The following DUSP29 variants were observed in gnomAD, a reference collection of about 807,000 sequenced individuals.
DUSP29 encodes the protein atypical dual-specific protein phosphatase.
Under a neutral mutation model 13.5 loss-of-function variants are expected in DUSP29, and 12 were observed. The observed-to-expected ratio is 0.89, with a 90% CI of 0.57 to 1.44. The LOEUF is 1.44. Ranked by LOEUF, DUSP29 falls within the 40% of genes most tolerant of loss-of-function variation. The pLI, the probability that DUSP29 is intolerant of heterozygous loss-of-function variation, is 0.00. For missense variants in DUSP29, 308 were observed against 301.1 expected (o/e 1.02, Z -0.17); for synonymous variants, 134 against 128.7 (o/e 1.04, Z -0.28).
In DUSP29 at chr10:75,037,890, C is replaced by G. The variant is rs1359835725; in HGVS notation, c.609G>C (p.Gln203His). 6.2e-7 allele frequency: 1 copy of G among 1,613,328 alleles called. No individual in the cohort carries two copies. Among genetic ancestry groups the G allele is most frequent in the Non-Finnish European group, 8.5e-7 (1 of 1,179,908 alleles). The change falls in exon 4 of 4, where the codon CAG (glutamine) becomes CAC (histidine). Residue 203 changes from glutamine (Q) to histidine (H), a missense_variant. Coordinates refer to ENST00000338487, the MANE Select transcript of DUSP29 (RefSeq NM_001003892.3). ...CGTCCTGGCGCTGGGACCGTCGCCT[C>G]TGCTGCACCAGCTGCTTGTCCAGCT... The part of the protein sequence containing the change: ...LRELDKQLVQ[Q>H]RRRSQRQDGE...
At chr10:75,067,171 G>T (rs1480031125) in intron 1 of DUSP29, among the ~76,000 whole-genome samples, 1 of 151,928 alleles carries the variant, frequency 6.6e-6, no homozygotes, top group African/African-American at 2.4e-5. Context: ...TGTTGACCAG[G>T]CTGGTCTCGG....
At position 75,058,473 on chromosome 10, in the gene DUSP29, G is replaced by C; in HGVS notation, c.42C>G (p.Tyr14Ter). 6.2e-7 allele frequency: 1 copy of C among 1,614,242 alleles called. No homozygotes were observed. Among genetic ancestry groups the C allele is most frequent in the Middle Eastern group, 1.6e-4 (1 of 6,062 alleles). Residue 14 changes from tyrosine (Y) to a stop codon, truncating the protein, a stop_gained, in exon 2 of 4, where the codon TAC (tyrosine) becomes TAG (stop). Transcript: ENST00000338487. LOFTEE classifies it high-confidence loss of function. ...GEVKTSLKNA[Y>*]SSAKRLSPKM... ...TCGGCGACAGCCTCTTGGCAGATGA[G>C]TAGGCATTCTTGAGGCTTGTCTTCA...
intron 3 of DUSP29, 24 bp downstream of exon 3, chr10:75,043,773 G>T (rs1056536803): frequency 2.5e-6 from 4 of 1,598,614 alleles, no homozygotes; most frequent in Non-Finnish European, 3.4e-6. Context: ...GGGGCCGATC[G>T]GGGCGGGGCC....
intron 2 of DUSP29, among the ~76,000 whole-genome samples, chr10:75,052,210 C>G (rs1241136201): frequency 6.6e-6 from 1 of 152,082 alleles, no homozygotes; most frequent in Non-Finnish European, 1.5e-5. Context: ...TGAATAAAGT[C>G]CCTTGGCCGT....
intron 2 of DUSP29, among the ~76,000 whole-genome samples, chr10:75,045,196 A>C (rs1298510848): frequency 1.3e-5 from 2 of 152,152 alleles, no homozygotes; most frequent in East Asian, 1.9e-4. Flanking sequence ...GTCTCTACTA[A>C]TAATACAAAA....
intron 1 of DUSP29, among the ~76,000 whole-genome samples, chr10:75,071,675 C>T (rs1268833610): frequency 2.0e-5 from 3 of 152,310 alleles, no homozygotes; most frequent in African/African-American, 2.4e-5. Flanking sequence ...ATCCTGATAC[C>T]GGAGGAGGGC....
chr10:75,058,881 T>C (rs781279824), intron 1 of DUSP29, among the ~76,000 whole-genome samples: 1 of 152,180 alleles, frequency 6.6e-6, no homozygotes, highest in Non-Finnish European at 1.5e-5. Context: ...GGTTCCTACT[T>C]TTTCCTTTAT....
At chr10:75,062,212 T>C (rs10740448) in intron 1 of DUSP29, among the ~76,000 whole-genome samples, 73,254 of 152,142 alleles carry the variant, frequency 0.48, 20,033 homozygotes, top group East Asian at 0.79. Context: ...GAAGCTCAGC[T>C]CGTCCATGGC....
chr10:75,037,821 C>T lies in DUSP29; in HGVS notation c.*15G>A, dbSNP rs746029349. 2 of 1,592,928 alleles carry T rather than the reference C, an allele frequency of 1.3e-6. No homozygotes were observed. The highest frequency in any genetic ancestry group is 2.2e-5 in the South Asian group (2 of 90,092). On this transcript the variant is annotated 3_prime_UTR_variant, in exon 4 of 4. Coordinates refer to ENST00000338487, the MANE Select transcript of DUSP29 (RefSeq NM_001003892.3). ...CTCTGTCCCCAAGTGCCTCTGCTGGCCCTGTGAGTCGGGCCTACAGCTCCC... is the reference window on the plus strand; with the variant it reads ...CTCTGTCCCCAAGTGCCTCTGCTGGTCCTGTGAGTCGGGCCTACAGCTCCC...
intron 1 of DUSP29, among the ~76,000 whole-genome samples, chr10:75,069,355 C>A (rs962431961): frequency 3.9e-5 from 6 of 152,148 alleles, no homozygotes; most frequent in African/African-American, 1.4e-4. Context: ...TGACCAGGCC[C>A]GTTGTGGTTC....
At chr10:75,046,538 T>G (rs575932859) in intron 2 of DUSP29, among the ~76,000 whole-genome samples, 1 of 152,328 alleles carries the variant, frequency 6.6e-6, no homozygotes, top group African/African-American at 2.4e-5. Context: ...TGGAGCTTTT[T>G]ATTTGGCATG....
chr10:75,038,104 C>A (rs1409579434), intron 3 of DUSP29, 27 bp from the exon 4 acceptor site: 4 of 1,600,838 alleles, frequency 2.5e-6, no homozygotes, highest in South Asian at 1.1e-5. Flanking sequence ...GAGGAGAAAA[C>A]CCACACTGAG....
intron 2 of DUSP29, among the ~76,000 whole-genome samples, chr10:75,050,452 T>TA (rs1564641599): frequency 2.6e-5 from 4 of 152,244 alleles, no homozygotes. Context: ...TTAAAAGTAA[T>TA]AAAACAAGTG....
chr10:75,042,372 T>C (rs1347278370), intron 3 of DUSP29, among the ~76,000 whole-genome samples: 1 of 152,246 alleles, frequency 6.6e-6, no homozygotes, highest in Non-Finnish European at 1.5e-5. Context: ...ATTAGGTTGT[T>C]GCAGTCTTTG....
intron 1 of DUSP29, among the ~76,000 whole-genome samples, chr10:75,061,815 T>G (rs1847094734): frequency 6.6e-6 from 1 of 151,990 alleles, no homozygotes; most frequent in Non-Finnish European, 1.5e-5. Context: ...TCAGGAGATA[T>G]GGGTTGGATG....
At position 75,037,873 on chromosome 10, in the gene DUSP29, C is replaced by G. The variant is rs372145105; in HGVS notation, c.626G>C (p.Arg209Pro). Residue 209 changes from arginine to proline, a missense_variant, in exon 4 of 4, where the codon CGC (arginine) becomes CCC (proline). Arg to Pro is a moderately radical substitution (Grantham distance 103). Transcript: ENST00000338487. ...GCCATCCTCCTCCTCACCGTCCTGG[C>G]GCTGGGACCGTCGCCTCTGCTGCAC... ...QLVQQRRRSQ[R>P]QDGEEEDGRE... The G allele has an allele frequency of 1.0e-4, 162 of 1,611,798 alleles. No homozygotes were observed. Among genetic ancestry groups the G allele is most frequent in the Non-Finnish European group, 1.2e-4 (142 of 1,179,306 alleles).
At chr10:75,040,190 A>T (rs1366480135) in intron 3 of DUSP29, among the ~76,000 whole-genome samples, 1 of 152,178 alleles carries the variant, frequency 6.6e-6, no homozygotes, top group Non-Finnish European at 1.5e-5. Flanking sequence ...AAACAAAAAC[A>T]AAAACCAAAC....
At chr10:75,057,127 T>C (rs954554759) in intron 2 of DUSP29, among the ~76,000 whole-genome samples, 5 of 151,694 alleles carry the variant, frequency 3.3e-5, no homozygotes, top group African/African-American at 4.8e-5. Context: ...AATAAAAAAT[T>C]AGCCAGGTGT....
At chr10:75,071,566 AG>A (rs762639602) in intron 1 of DUSP29, among the ~76,000 whole-genome samples, 1 of 152,200 alleles carries the variant, frequency 6.6e-6, no homozygotes, top group Non-Finnish European at 1.5e-5. Context: ...GTCCCCAGTA[AG>A]GGCTCCAGTT....
Sources: gnomAD v4.1 joint callset for allele counts (sites outside exome capture counted in the v4.1 genomes callset) on GRCh38, gnomAD v4.1.1 for gene constraint, MANE v1.5 for transcripts, NCBI Gene and HGNC (gene_info 2026-07-23, HGNC 2026-07-21) for gene names.